Variants in LINGO2 observed in about 807,000 individuals in gnomAD.
The protein encoded by LINGO2 is leucine-rich repeat and immunoglobulin-like domain-containing nogo receptor-interacting protein 2.
A neutral mutation model predicts 30.6 loss-of-function variants in LINGO2; 14 were observed. The observed-to-expected ratio is 0.46, with a 90% CI of 0.30 to 0.72. The LOEUF (loss-of-function observed/expected upper bound fraction) is 0.72. Ranked by LOEUF, LINGO2 falls within the 30% of genes least tolerant of loss-of-function variation. LINGO2 has a pLI of 0.07. For missense variants in LINGO2, 729 were observed against 751.7 expected, an observed-to-expected ratio of 0.97 and a Z score of 0.35; for synonymous variants, 317 against 288.5, an observed-to-expected ratio of 1.10 and a Z score of -1.00.
At chr9:28,256,430 G>A (rs1166945100) in intron 4 of LINGO2, among the ~76,000 whole-genome samples, 2 of 151,834 alleles carry the variant, frequency 1.3e-5, no homozygotes, top group Non-Finnish European at 2.9e-5. Context: ...GTAGAAGTAA[G>A]CCAGATAGGA....
intron 4 of LINGO2, among the ~76,000 whole-genome samples, chr9:28,194,833 C>G (rs1306863619): frequency 1.3e-5 from 2 of 151,860 alleles, no homozygotes. Context: ...AAGAAAAAGA[C>G]TTTCTTACGA....
intron 1 of LINGO2, among the ~76,000 whole-genome samples, chr9:28,519,014 T>G (rs1587796368): frequency 6.6e-6 from 1 of 152,106 alleles, no homozygotes; most frequent in Non-Finnish European, 1.5e-5. Context: ...TTTAAATGTT[T>G]GGTTTGTTGT....
chr9:29,061,868 T>C, the LINGO2 span, among the ~76,000 whole-genome samples: 1 of 152,008 alleles, frequency 6.6e-6, no homozygotes, highest in African/African-American at 2.4e-5. Flanking sequence ...TAAAGTATAT[T>C]ATCAACAGAA....
At chr9:28,305,841 T>C (rs1177085777) in intron 3 of LINGO2, among the ~76,000 whole-genome samples, 1 of 151,870 alleles carries the variant, frequency 6.6e-6, no homozygotes, top group African/African-American at 2.4e-5. Context: ...TGGTCTTTAA[T>C]TTCTCTGGCT....
intron 1 of LINGO2, among the ~76,000 whole-genome samples, chr9:28,624,264 AAAGCTTT>A (rs1188999471): frequency 6.6e-6 from 1 of 152,106 alleles, no homozygotes; most frequent in East Asian, 1.9e-4. Context: ...TCTTAGAGGA[AAAGCTTT>A]TAGTTTTTAC....
chr9:28,309,999 C>T (rs1470897445), intron 3 of LINGO2, among the ~76,000 whole-genome samples: 1 of 152,044 alleles, frequency 6.6e-6, no homozygotes, highest in Non-Finnish European at 1.5e-5. Context: ...AAAGGCTTAT[C>T]TTACCAAGTG....
chr9:28,059,270 C>G (rs1156607131), intron 4 of LINGO2, among the ~76,000 whole-genome samples: 1 of 152,118 alleles, frequency 6.6e-6, no homozygotes, highest in African/African-American at 2.4e-5. Flanking sequence ...CACATTCTCA[C>G]CACCTGTTTC....
chr9:28,419,274 C>T (rs182149009), intron 2 of LINGO2, among the ~76,000 whole-genome samples: 1 of 152,024 alleles, frequency 6.6e-6, no homozygotes, highest in Non-Finnish European at 1.5e-5. Flanking sequence ...TTGAAAACTT[C>T]TTGAATTTTT....
intron 2 of LINGO2, among the ~76,000 whole-genome samples, chr9:28,441,288 T>TTTTTTTTTTTTTTTTTTC (rs1824187639): frequency 8.5e-6 from 1 of 117,878 alleles, no homozygotes; most frequent in Non-Finnish European, 1.7e-5. Context: ...TTTTTTTTTT[T>TTTTTTTTTTTTTTTTTTC]TGGTGAATTA....
chr9:28,868,575 G>A, the LINGO2 span, among the ~76,000 whole-genome samples: 1 of 152,012 alleles, frequency 6.6e-6, no homozygotes, highest in East Asian at 1.9e-4. Context: ...GTGTTTTGTA[G>A]GTAAATTTAA....
chr9:28,996,244 T>C, the LINGO2 span, among the ~76,000 whole-genome samples: 5 of 152,142 alleles, frequency 3.3e-5, no homozygotes, highest in African/African-American at 1.2e-4. Context: ...GTATTTTTAC[T>C]AGAATAAATA....
At chr9:28,008,869 A>G (rs1328796334) in intron 5 of LINGO2, among the ~76,000 whole-genome samples, 2 of 152,188 alleles carry the variant, frequency 1.3e-5, no homozygotes, top group East Asian at 1.9e-4. Context: ...AATGTAATAC[A>G]TATCAAAATC....
At chr9:28,585,645 A>G (rs1824496598) in intron 1 of LINGO2, among the ~76,000 whole-genome samples, 1 of 152,050 alleles carries the variant, frequency 6.6e-6, no homozygotes, top group Non-Finnish European at 1.5e-5. Context: ...TATGATGTCC[A>G]CAAGTTAGCT....
At chr9:28,420,207 T>C (rs2134873284) in intron 2 of LINGO2, among the ~76,000 whole-genome samples, 1 of 152,230 alleles carries the variant, frequency 6.6e-6, no homozygotes, top group South Asian at 2.1e-4. Context: ...AATCTGCATT[T>C]CCAAATACTC....
At chr9:29,159,583 G>A in the LINGO2 span, among the ~76,000 whole-genome samples, 1 of 152,092 alleles carries the variant, frequency 6.6e-6, no homozygotes, top group Non-Finnish European at 1.5e-5. Flanking sequence ...TGGGCCAGGT[G>A]CGGTGGCTCA....
At chr9:28,959,610 C>CTT in the LINGO2 span, among the ~76,000 whole-genome samples, 4 of 141,620 alleles carry the variant, frequency 2.8e-5, no homozygotes, top group African/African-American at 8.2e-5. Flanking sequence ...TCTCTCTCTC[C>CTT]CTCACACACA....
intron 4 of LINGO2, among the ~76,000 whole-genome samples, chr9:28,134,424 ACTT>A: frequency 6.6e-6 from 1 of 152,338 alleles, no homozygotes; most frequent in South Asian, 2.1e-4. Context: ...AAATTGCCTG[ACTT>A]CAATTTGCAG....
the LINGO2 span, among the ~76,000 whole-genome samples, chr9:28,826,980 A>G: frequency 6.6e-6 from 1 of 152,204 alleles, no homozygotes; most frequent in Non-Finnish European, 1.5e-5. Context: ...GGAGAAATTC[A>G]CTTAAAACCA....
At chr9:28,433,945 C>CTATATATATATATATATATATATATA (rs1305896597) in intron 2 of LINGO2, among the ~76,000 whole-genome samples, 2 of 57,256 alleles carry the variant, frequency 3.5e-5, no homozygotes, top group African/African-American at 8.9e-5. Context: ...CTCTCTCTCT[C>CTATATATATATATATATATATATATA]TCTCTATATA....
Sources: gnomAD v4.1 joint callset for allele counts (sites outside exome capture counted in the v4.1 genomes callset) on GRCh38, gnomAD v4.1.1 for gene constraint, MANE v1.5 for transcripts, NCBI Gene and HGNC (gene_info 2026-07-23, HGNC 2026-07-21) for gene names.